The following PCDH1 variants were observed in gnomAD, a reference collection of about 807,000 sequenced individuals.
The protein encoded by PCDH1 is protocadherin-1.
Under a neutral mutation model 74.6 loss-of-function variants are expected in PCDH1, and 23 were observed. The observed-to-expected ratio is 0.31, with a 90% confidence interval of 0.22 to 0.44. The LOEUF (loss-of-function observed/expected upper bound fraction) is 0.44, where lower values mean the gene tolerates loss of function less well. PCDH1 is among the 20% of genes least tolerant of loss of function. PCDH1 has a pLI of 1.00. For missense variants in PCDH1, 1,214 were observed against 1,641.4 expected (o/e 0.74, Z 4.50); for synonymous variants, 647 against 686.1 (o/e 0.94, Z 0.89).
Position 141,865,121 on chromosome 5 carries a change from T to A in PCDH1, c.1210A>T (p.Ile404Phe). The change falls in exon 3 of 5, where the codon ATC (isoleucine) becomes TTC (phenylalanine). Residue 404 changes from isoleucine (I) to phenylalanine (F), a missense_variant. This residue lies in a region of PCDH1 where 836 missense variants were observed against 1,182.2 expected (regional missense o/e 0.71). Transcript: ENST00000287008. This position sits in a 1 kb window ranked among gnomAD's most constrained non-coding sequence, Gnocchi z 4.4. ...GTCTCCTCTGCCACATCCTCTGAGATGTTAGCCATCCCATCTTGATGAGTC... is the reference window on the plus strand; with the variant it reads ...GTCTCCTCTGCCACATCCTCTGAGAAGTTAGCCATCCCATCTTGATGAGTC... ...LVTHQDGMAN[I>F]SEDVAEETAV... 2 of 1,614,164 alleles carry A rather than the reference T, an allele frequency of 1.2e-6. No homozygotes were observed. The highest frequency in any genetic ancestry group is 1.7e-6 in the Non-Finnish European group (2 of 1,180,020).
chr5:141,877,072 G>C (rs1753259214), intron 1 of PCDH1, among the ~76,000 whole-genome samples: 1 of 152,238 alleles, frequency 6.6e-6, no homozygotes, highest in African/African-American at 2.4e-5. Context: ...ATAATGTCGC[G>C]ATTAACGTGG....
In PCDH1 at chr5:141,864,840, C is replaced by T. The variant is rs751447218; in HGVS notation, c.1491G>A (p.Val497=). The change falls in exon 3 of 5, where the codon GTG becomes GTA. Residue 497 remains valine (V), a synonymous_variant. Coordinates refer to ENST00000287008, the MANE Select transcript of PCDH1 (RefSeq NM_032420.5). This position sits in a 1 kb window ranked among gnomAD's most constrained non-coding sequence, Gnocchi z 5.9. ...AGACAGGTGCGTTGTCATTGACGTCCACCACCTGCACCTTGAGGGAGTTAG... is the reference window on the plus strand; with the variant it reads ...AGACAGGTGCGTTGTCATTGACGTCTACCACCTGCACCTTGAGGGAGTTAG... ...SSTNSLKVQV[V]DVNDNAPVFT... 1.9e-6 allele frequency: 3 copies of T among 1,614,192 alleles called. No individual in the cohort carries two copies. The highest frequency in any genetic ancestry group is 2.2e-5 in the East Asian group (1 of 44,888).
rs556186183 is a variant in PCDH1 at position 141,869,729 on chromosome 5, C to T, written c.41-298G>A. 130 of 1,460,490 alleles carry T rather than the reference C, an allele frequency of 8.9e-5. No homozygotes were observed. The African/African-American group carries it at 1.2e-3, about 13-fold the overall frequency. 90.5% of individuals were successfully genotyped at this position (1,460,490 alleles called of 1,614,324 possible). A position where few individuals can be genotyped will look rare whatever the true frequency, so the allele number is the denominator to read the frequency against. ...ACCTGACGCTCCCTGGGCCCAAGCC[C>T]GGCTGCCCGCCCTCTTTCCTTCTTT... On this transcript the variant is annotated intron_variant, in intron 1 of 4. Coordinates refer to ENST00000287008, the MANE Select transcript of PCDH1 (RefSeq NM_032420.5). The surrounding 1 kb of genome is among the most constrained non-coding windows in gnomAD (Gnocchi z 4.9).
Position 141,878,251 on chromosome 5 carries a change from C to T in PCDH1, c.12G>A (p.Gly4=). MDS[G]AGGRRCPEAA... ...CCTCCGGGCAGCGCCGGCCGCCCGC[C>T]CCGCTGTCCATGAGCCGCCGCCGGC... Residue 4 remains glycine (G), a synonymous_variant, in exon 1 of 5, where the codon GGG becomes GGA. Transcript: ENST00000287008. The surrounding 1 kb of genome is among the most constrained non-coding windows in gnomAD (Gnocchi z 5.5). 5.1e-6 allele frequency: 7 copies of T among 1,363,934 alleles called. No individual in the cohort carries two copies. Among genetic ancestry groups the T allele is most frequent in the Non-Finnish European group, 6.6e-6 (7 of 1,060,146 alleles). The allele number at this position is 1,363,934 out of a possible 1,614,324, so 84.5% of individuals were successfully genotyped here.
chr5:141,856,293 A>T, intron 4 of PCDH1: 2 of 1,132,418 alleles, frequency 1.8e-6, no homozygotes, highest in South Asian at 2.6e-5. Flanking sequence ...TGAGACGGGC[A>T]TGAGATCGCG....
At position 141,869,884 on chromosome 5, in the gene PCDH1, G is replaced by T; in HGVS notation, c.41-453C>A. The T allele has an allele frequency of 1.2e-6, 1 of 828,524 alleles. No individual in the cohort carries two copies. The highest frequency in any genetic ancestry group is 1.5e-6 in the Non-Finnish European group (1 of 686,614). 51.3% of individuals were successfully genotyped at this position (828,524 alleles called of 1,614,324 possible). ...AGCCAGTGGAAGGGTGAGACCTCGA[G>T]CATCCCCAACTGGAGCACCCCTCCC... On this transcript the variant is annotated intron_variant, in intron 1 of 4. Transcript: ENST00000287008. This position sits in a 1 kb window ranked among gnomAD's most constrained non-coding sequence, Gnocchi z 4.9.
In PCDH1 at chr5:141,857,316, A is replaced by T; in HGVS notation, c.3255T>A (p.Pro1085=). The part of the protein sequence containing the change: ...SGPRLGPLAL[P]EDHYERTTPD... ...GGGTGGTGCGCTCATAGTGATCCTC[A>T]GGCAGGGCCAGGGGACCGAGTCGAG... Residue 1085 remains proline, a synonymous_variant, in exon 4 of 5, where the codon CCT becomes CCA. Transcript: ENST00000287008. 1.2e-6 allele frequency: 2 copies of T among 1,613,298 alleles called. No individual in the cohort carries two copies. The highest frequency in any genetic ancestry group is 1.7e-6 in the Non-Finnish European group (2 of 1,179,748).
In PCDH1 at chr5:141,857,564, A is replaced by C. The variant is rs1363695931; in HGVS notation, c.3100-93T>G. 10 of 1,066,424 alleles carry C rather than the reference A, an allele frequency of 9.4e-6. No individual in the cohort carries two copies. In the Admixed American group the frequency reaches 2.5e-4, roughly 27 times the overall value. The allele number at this position is 1,066,424 out of a possible 1,614,324, so 66.1% of individuals were successfully genotyped here. On this transcript the variant is annotated intron_variant, in intron 3 of 4. Coordinates refer to ENST00000287008, the MANE Select transcript of PCDH1 (RefSeq NM_032420.5). ...CCTAGTACAAGCCAAGCACCATCCT[A>C]CTCAGGCTTCAACAGCAACCAAGAA...
At chr5:141,858,632 C>G (rs1561477282) in intron 3 of PCDH1, among the ~76,000 whole-genome samples, 1 of 152,162 alleles carries the variant, frequency 6.6e-6, no homozygotes, top group African/African-American at 2.4e-5. Flanking sequence ...TTGGCACAAC[C>G]AGCCAGCCAC....
At chr5:141,858,167 A>T (rs1752430114) in intron 3 of PCDH1, among the ~76,000 whole-genome samples, 1 of 151,560 alleles carries the variant, frequency 6.6e-6, no homozygotes, top group African/African-American at 2.4e-5. Flanking sequence ...CAGTCTGAAG[A>T]CTCCCTGCTG....
At chr5:141,875,390 T>G (rs1222032863) in intron 1 of PCDH1, among the ~76,000 whole-genome samples, 1 of 152,064 alleles carries the variant, frequency 6.6e-6, no homozygotes, top group Admixed American at 6.6e-5. Flanking sequence ...AGATAAAAGG[T>G]GCTCAATACA....
In PCDH1 at chr5:141,865,462, G is replaced by A. The variant is rs1204793163; in HGVS notation, c.904-35C>T. 9 of 1,592,016 alleles carry A rather than the reference G, an allele frequency of 5.7e-6. No individual in the cohort carries two copies. The highest frequency in any genetic ancestry group is 7.7e-6 in the Non-Finnish European group (9 of 1,170,824). ...AGGAGAGAAAAACAAGGAGAACAGAGATGGTTTAGATCAGGGATAGCAAAT... is the reference window on the plus strand; with the variant it reads ...AGGAGAGAAAAACAAGGAGAACAGAAATGGTTTAGATCAGGGATAGCAAAT... On this transcript the variant is annotated intron_variant, in intron 2 of 4. Transcript: ENST00000287008. This position sits in a 1 kb window ranked among gnomAD's most constrained non-coding sequence, Gnocchi z 4.4.
rs1752394860 is a variant in PCDH1 at position 141,857,454 on chromosome 5, G to A, written c.3117C>T (p.Val1039=). 6.2e-7 allele frequency: 1 copy of A among 1,613,808 alleles called. No homozygotes were observed. The highest frequency in any genetic ancestry group is 2.2e-5 in the East Asian group (1 of 44,874). ...GGGCCTGGCTGGTGGCCGAGAAGGT[G>A]ACGCGGCGGTGAGGTAACTGCAGGG... ...YPSKQLPHRR[V]TFSATSQAQE... The change falls in exon 4 of 5, where the codon GTC becomes GTT. Residue 1039 remains valine (V), a synonymous_variant. Coordinates refer to ENST00000287008, the MANE Select transcript of PCDH1 (RefSeq NM_032420.5).
At chr5:141,871,076 C>A (rs1437837378) in intron 1 of PCDH1, among the ~76,000 whole-genome samples, 2 of 152,246 alleles carry the variant, frequency 1.3e-5, no homozygotes, top group Non-Finnish European at 2.9e-5. Flanking sequence ...GGGACACCGC[C>A]CGCCTGTGTT....
In PCDH1 at chr5:141,869,627, T is replaced by C. The variant is rs1301653903; in HGVS notation, c.41-196A>G. Reference sequence around the variant, plus strand: ...CATCCACAGCTGGGTGTAGCAGCAGTGTCTGCCCCAGCTGGAGGAGCCAGT... The same window carrying C: ...CATCCACAGCTGGGTGTAGCAGCAGCGTCTGCCCCAGCTGGAGGAGCCAGT... On this transcript the variant is annotated intron_variant, in intron 1 of 4. Coordinates refer to ENST00000287008, the MANE Select transcript of PCDH1 (RefSeq NM_032420.5). This position sits in a 1 kb window ranked among gnomAD's most constrained non-coding sequence, Gnocchi z 4.9. 2 of 1,534,406 alleles carry C rather than the reference T, an allele frequency of 1.3e-6. No individual in the cohort carries two copies. Among genetic ancestry groups the C allele is most frequent in the South Asian group, 2.4e-5 (2 of 83,212 alleles).
intron 2 of PCDH1, among the ~76,000 whole-genome samples, chr5:141,866,773 G>A (rs1030408401): frequency 7.2e-5 from 11 of 152,156 alleles, no homozygotes; most frequent in Non-Finnish European, 1.2e-4. Context: ...GCCTGACATT[G>A]CCCGGCACAG....
Position 141,868,654 on chromosome 5 carries a change from G to C in PCDH1, c.818C>G (p.Thr273Ser), listed in dbSNP as rs962143646. The stretch of plus-strand genomic sequence containing the variant: ...CTCAAACTTGGGGGCGTTGTCATTG[G>C]TGTCAAGCACGGTGACACGCAGCAG... Reference protein sequence around the residue: ...SALLRVTVLDTNDNAPKFERP... With the variant: ...SALLRVTVLDSNDNAPKFERP... Residue 273 changes from threonine to serine, a missense_variant, in exon 2 of 5, where the codon ACC becomes AGC. Physicochemically the swap from Thr to Ser is moderately conservative, Grantham distance 58. Transcript: ENST00000287008. The surrounding 1 kb of genome is among the most constrained non-coding windows in gnomAD (Gnocchi z 4.8). 4.4e-6 allele frequency: 7 copies of C among 1,607,812 alleles called. No homozygotes were observed. The Admixed American group carries it at 8.4e-5, about 19-fold the overall frequency.
Position 141,854,010 on chromosome 5 carries a change from G to C in PCDH1, c.*32C>G, listed in dbSNP as rs770523709. 5 of 1,472,342 alleles carry C rather than the reference G, an allele frequency of 3.4e-6. No homozygotes were observed. In the East Asian group the frequency reaches 7.1e-5, roughly 21 times the overall value. The allele number at this position is 1,472,342 out of a possible 1,614,324, so 91.2% of individuals were successfully genotyped here. A position where few individuals can be genotyped will look rare whatever the true frequency, so the allele number is the denominator to read the frequency against. On this transcript the variant is annotated 3_prime_UTR_variant, in exon 5 of 5. Transcript: ENST00000287008. ...GCCATTTGGGAGCTGGCCGGCGGCTGGGGGAGGGGGGCCGGCCGGCCAGTA... is the reference window on the plus strand; with the variant it reads ...GCCATTTGGGAGCTGGCCGGCGGCTCGGGGAGGGGGGCCGGCCGGCCAGTA...
rs960214021 is a variant in PCDH1 at position 141,864,232 on chromosome 5, C to T, written c.2099G>A (p.Gly700Asp). Residue 700 changes from glycine (G) to aspartate (D), a missense_variant, in exon 3 of 5, where the codon GGT becomes GAT. By Grantham distance (94) the Gly-to-Asp change is moderately conservative. This residue lies in a region of PCDH1 where 836 missense variants were observed against 1,182.2 expected (regional missense o/e 0.71). Transcript: ENST00000287008. This position sits in a 1 kb window ranked among gnomAD's most constrained non-coding sequence, Gnocchi z 5.9. ...CTCGTCCAGCACATTGATGGTGACA[C>T]CAACGTAAGCTGAGCGAGGTGGGAC... ...GGVPPRSAYV[G>D]VTINVLDEND... 4.4e-6 allele frequency: 7 copies of T among 1,607,916 alleles called. No homozygotes were observed. The highest frequency in any genetic ancestry group is 1.3e-5 in the African/African-American group (1 of 74,742).
Sources: allele counts gnomAD v4.1 joint callset (sites outside exome capture counted in the v4.1 genomes callset), GRCh38; gene constraint gnomAD v4.1.1; regional missense constraint gnomAD v4.1.1; non-coding constraint Gnocchi (gnomAD v3.1); transcripts MANE v1.5; gene names NCBI Gene and HGNC (gene_info 2026-07-23, HGNC 2026-07-21).